Variants in RAB31 observed in about 807,000 individuals in gnomAD.
RAB31 encodes the protein RAB31, member RAS oncogene family.
Under a neutral mutation model 25.6 loss-of-function variants are expected in RAB31, and 21 were observed. The observed-to-expected ratio is 0.82, with a 90% CI of 0.58 to 1.18. The LOEUF (loss-of-function observed/expected upper bound fraction) is 1.18, where lower values mean the gene tolerates loss of function less well. RAB31 is among the 50% of genes most tolerant of loss of function. The probability of loss-of-function intolerance (pLI) is 0.00; values close to 1 mark genes in which losing one functional copy is unlikely to be tolerated. For synonymous variants in RAB31, 87 were observed against 84.0 expected (o/e 1.04, Z -0.20); for missense variants, 196 against 250.1 (o/e 0.78, Z 1.46).
intron 5 of RAB31, among the ~76,000 whole-genome samples, chr18:9,829,145 T>C (rs1019569472): frequency 6.6e-6 from 1 of 152,200 alleles, no homozygotes; most frequent in African/African-American, 2.4e-5. Flanking sequence ...TGAACAGCCG[T>C]GTAAGTGTGC....
chr18:9,726,777 A>G (rs1167908844), intron 1 of RAB31, among the ~76,000 whole-genome samples: 5 of 152,214 alleles, frequency 3.3e-5, no homozygotes, highest in Admixed American at 3.3e-4. Flanking sequence ...TTATTGAAGT[A>G]TAACATACAA....
chr18:9,819,042 A>G (rs1260160268), intron 5 of RAB31, among the ~76,000 whole-genome samples: 1 of 152,202 alleles, frequency 6.6e-6, no homozygotes, highest in Admixed American at 6.5e-5. Flanking sequence ...CTTATCAAAC[A>G]TGTAATTCGC....
chr18:9,727,950 TCTTAGCA>T (rs2068103426), intron 1 of RAB31, among the ~76,000 whole-genome samples: 1 of 152,242 alleles, frequency 6.6e-6, no homozygotes, highest in South Asian at 2.1e-4. Flanking sequence ...AGATCTACTC[TCTTAGCA>T]AATAGATCAG....
intron 1 of RAB31, among the ~76,000 whole-genome samples, chr18:9,719,131 G>A (rs1251913621): frequency 6.6e-5 from 10 of 150,530 alleles, no homozygotes; most frequent in East Asian, 5.9e-4. Context: ...TTAGCTGAGC[G>A]TGGTGGCGTG....
At chr18:9,791,732 C>T (rs562643491) in intron 2 of RAB31, among the ~76,000 whole-genome samples, 40 of 152,062 alleles carry the variant, frequency 2.6e-4, no homozygotes, top group East Asian at 5.8e-4. Context: ...TAGCTGGGAC[C>T]GCAGGTGCCT....
At chr18:9,836,141 C>T (rs1436202587) in intron 5 of RAB31, among the ~76,000 whole-genome samples, 1 of 151,932 alleles carries the variant, frequency 6.6e-6, no homozygotes, top group Non-Finnish European at 1.5e-5. Context: ...CTGTGCTGCT[C>T]GTGGCCGGCT....
intron 1 of RAB31, among the ~76,000 whole-genome samples, chr18:9,770,747 G>C (rs543252166): frequency 6.6e-6 from 1 of 152,198 alleles, no homozygotes; most frequent in East Asian, 1.9e-4. Flanking sequence ...TACTGTTAAG[G>C]CTGCAGCGGC....
At chr18:9,818,463 G>A (rs886335465) in intron 5 of RAB31, among the ~76,000 whole-genome samples, 2 of 151,978 alleles carry the variant, frequency 1.3e-5, no homozygotes, top group African/African-American at 4.8e-5. Context: ...ACATGGAATC[G>A]TACAATATGT....
intron 1 of RAB31, among the ~76,000 whole-genome samples, chr18:9,727,486 T>A (rs1367574571): frequency 1.3e-5 from 2 of 152,144 alleles, no homozygotes; most frequent in African/African-American, 4.8e-5. Context: ...GGCTAATTTT[T>A]AAATTTTTTG....
chr18:9,780,705 T>C (rs2068398854), intron 2 of RAB31, among the ~76,000 whole-genome samples: 1 of 151,992 alleles, frequency 6.6e-6, no homozygotes. Context: ...CCAAGGCAAA[T>C]GGATCACCTG....
chr18:9,735,380 C>A, intron 1 of RAB31: 2 of 217,708 alleles, frequency 9.2e-6, no homozygotes, highest in South Asian at 1.6e-4. Context: ...CACAGTTTGT[C>A]AAAGTTGACA....
chr18:9,862,252 G>A lies in RAB31; in HGVS notation c.*2927G>A, dbSNP rs1168508256. 6.6e-6 allele frequency: 1 copy of A among 152,226 alleles called. No homozygotes were observed. Among genetic ancestry groups the A allele is most frequent in the Non-Finnish European group, 1.5e-5 (1 of 68,042 alleles). 9.4% of individuals were successfully genotyped at this position (152,226 alleles called of 1,614,324 possible). ...CTTATAAATTAAAGAGCTCTGAACT[G>A]TATTCAGACCGACTGGGTATCTAGC... On this transcript the variant is annotated 3_prime_UTR_variant, in exon 7 of 7. Coordinates refer to ENST00000578921, the MANE Select transcript of RAB31 (RefSeq NM_006868.4).
At position 9,739,342 on chromosome 18, in the gene RAB31, A is replaced by G. The variant is rs1461923514; in HGVS notation, c.39+30898A>G. On this transcript the variant is annotated intron_variant, in intron 1 of 6. Transcript: ENST00000578921. ...AAAAAATTAGCTGGGTGTGGTGGCGAGCACCTGTAGTCCCAGCTACTCAGG... is the reference window on the plus strand; with the variant it reads ...AAAAAATTAGCTGGGTGTGGTGGCGGGCACCTGTAGTCCCAGCTACTCAGG... 3.3e-5 allele frequency among the ~76,000 whole-genome samples: 5 copies of G among 152,042 alleles called. No individual in the cohort carries two copies. The East Asian group carries it at 5.8e-4, about 18-fold the overall frequency.
intron 5 of RAB31, among the ~76,000 whole-genome samples, chr18:9,827,389 G>C (rs997113450): frequency 1.3e-5 from 2 of 152,238 alleles, no homozygotes; most frequent in Admixed American, 6.5e-5. Flanking sequence ...ATGGGGGCTG[G>C]GTTGGGAAGT....
intron 1 of RAB31, among the ~76,000 whole-genome samples, chr18:9,740,574 G>T (rs766123844): frequency 6.6e-6 from 1 of 152,108 alleles, no homozygotes; most frequent in Non-Finnish European, 1.5e-5. Flanking sequence ...TTAGCTGGGC[G>T]TGGTGGCGCA....
chr18:9,809,681 G>A (rs1383083143), intron 3 of RAB31, among the ~76,000 whole-genome samples: 1 of 152,138 alleles, frequency 6.6e-6, no homozygotes, highest in African/African-American at 2.4e-5. Context: ...ATATGGCTAA[G>A]CCAAAATTTA....
chr18:9,783,685 A>G (rs1206141470), intron 2 of RAB31, among the ~76,000 whole-genome samples: 1 of 152,228 alleles, frequency 6.6e-6, no homozygotes, highest in African/African-American at 2.4e-5. Context: ...AAAATGTACT[A>G]CTACAAAAGT....
At chr18:9,749,046 C>T (rs2068220689) in intron 1 of RAB31, among the ~76,000 whole-genome samples, 1 of 152,122 alleles carries the variant, frequency 6.6e-6, no homozygotes, top group Admixed American at 6.5e-5. Context: ...CTTCAAAGAA[C>T]CATTTTATGG....
chr18:9,845,118 G>A (rs911779035), intron 5 of RAB31, among the ~76,000 whole-genome samples: 3 of 152,142 alleles, frequency 2.0e-5, no homozygotes, highest in African/African-American at 7.2e-5. Flanking sequence ...AACCATGCTC[G>A]TTTCCAAACT....
Sources: allele counts gnomAD v4.1 joint callset (sites outside exome capture counted in the v4.1 genomes callset), GRCh38; gene constraint gnomAD v4.1.1; transcripts MANE v1.5; gene names NCBI Gene and HGNC (gene_info 2026-07-23, HGNC 2026-07-21).